Variants in TAF8 observed in about 807,000 individuals in gnomAD.
TAF8 encodes the protein transcription initiation factor TFIID subunit 8.
In TAF8, 47 loss-of-function variants were observed where a neutral mutation model predicts 36.5. That is an observed-to-expected ratio of 1.29 (90% CI 1.02 to 1.64). TAF8 has a LOEUF of 1.64. Among genes scored for constraint, TAF8 ranks in the 40% most tolerant of loss-of-function variants. The probability of loss-of-function intolerance (pLI) is 0.00; values close to 1 mark genes in which losing one functional copy is unlikely to be tolerated. For missense variants in TAF8, 420 were observed against 407.6 expected, an observed-to-expected ratio of 1.03 and a Z score of -0.26; for synonymous variants, 175 against 159.5, an observed-to-expected ratio of 1.10 and a Z score of -0.73.
At chr6:42,058,685 ATCTC>A (rs891835759) in intron 5 of TAF8, among the ~76,000 whole-genome samples, 1 of 152,126 alleles carries the variant, frequency 6.6e-6, no homozygotes. Context: ...CCTTGGTCAG[ATCTC>A]TCTATTAGTT....
intron 4 of TAF8, among the ~76,000 whole-genome samples, chr6:42,056,596 A>AT (rs1764995055): frequency 6.6e-6 from 1 of 151,838 alleles, no homozygotes; most frequent in Admixed American, 6.6e-5. Context: ...AGTTAACTGG[A>AT]TTTTTTTCTT....
downstream of TAF8, chr6:42,086,618 A>AC: frequency 1.7e-6 from 2 of 1,146,876 alleles, no homozygotes; most frequent in Non-Finnish European, 2.6e-6. Flanking sequence ...GATCTGCGGC[A>AC]CCCCCTCTCC....
chr6:42,077,894 C>T lies in TAF8; in HGVS notation c.*349C>T, dbSNP rs1364905999. Reference sequence around the variant, plus strand: ...GCCTTGGCCTCCCGAGTAGCTGGGACTAGAGGCAAGCGCCACCATGCTGGC... The same window carrying T: ...GCCTTGGCCTCCCGAGTAGCTGGGATTAGAGGCAAGCGCCACCATGCTGGC... On this transcript the variant is annotated 3_prime_UTR_variant, in exon 9 of 9. Coordinates refer to ENST00000372977, the MANE Select transcript of TAF8 (RefSeq NM_138572.3). The T allele has an allele frequency of 4.8e-6, 2 of 417,372 alleles. No individual in the cohort carries two copies. Among genetic ancestry groups the T allele is most frequent in the Non-Finnish European group, 7.2e-6 (2 of 277,172 alleles). 25.9% of individuals were successfully genotyped at this position (417,372 alleles called of 1,614,324 possible). A position where few individuals can be genotyped will look rare whatever the true frequency, so the allele number is the denominator to read the frequency against.
intron 2 of TAF8, among the ~76,000 whole-genome samples, chr6:42,052,967 G>A (rs1360335579): frequency 1.3e-5 from 2 of 152,206 alleles, no homozygotes; most frequent in Non-Finnish European, 2.9e-5. Context: ...CAGGAAGGGT[G>A]ATCTTGGGCA....
rs914156049 is a variant in TAF8, at chr6:42,071,493, T to C, written c.780+2886T>C. On this transcript the variant is annotated intron_variant, in intron 7 of 8. Transcript: ENST00000372977. ...GGTACGCACCACCACGCCCGGCTAA[T>C]TTTTGTATTTTTAGTAGAGACGGGG... 13 of 162,898 alleles carry C rather than the reference T, an allele frequency of 8.0e-5. No homozygotes were observed. The South Asian group carries it at 1.3e-3, about 16-fold the overall frequency. 10.1% of individuals were successfully genotyped at this position (162,898 alleles called of 1,614,324 possible). A position where few individuals can be genotyped will look rare whatever the true frequency, so the allele number is the denominator to read the frequency against.
chr6:42,077,593 C>G lies in TAF8; in HGVS notation c.*48C>G. On this transcript the variant is annotated 3_prime_UTR_variant, in exon 9 of 9. Transcript: ENST00000372977. ...TACAGGGGCGCAGATTCCACCCTCC[C>G]GGGGAGTTAAAGCCACTCAAGGGAA... 6.2e-7 allele frequency: 1 copy of G among 1,607,238 alleles called. No individual in the cohort carries two copies. Among genetic ancestry groups the G allele is most frequent in the Non-Finnish European group, 8.5e-7 (1 of 1,176,846 alleles).
rs376247425 is a variant in TAF8 at position 42,055,601 on chromosome 6, C to T, written c.273C>T (p.Ser91=). 2.7e-5 allele frequency: 43 copies of T among 1,614,026 alleles called. No homozygotes were observed. Among genetic ancestry groups the T allele is most frequent in the African/African-American group, 9.3e-5 (7 of 74,914 alleles). The stretch of plus-strand genomic sequence containing the variant: ...CAGCCAGGACCCAGCCCACACTGTC[C>T]GATATCGTGGTCACACTTGTTGAGA... The part of the protein sequence containing the change: ...EHTARTQPTL[S]DIVVTLVEMG... The change falls in exon 3 of 9, where the codon TCC becomes TCT. Residue 91 remains serine, a synonymous_variant. Coordinates refer to ENST00000372977, the MANE Select transcript of TAF8 (RefSeq NM_138572.3).
chr6:42,050,694 C>A, intron 1 of TAF8, 108 bp downstream of exon 1: 1 of 1,328,310 alleles, frequency 7.5e-7, no homozygotes, highest in Non-Finnish European at 1.0e-6. Flanking sequence ...CCATCATGAG[C>A]TCCGACTGGC....
chr6:42,065,363 A>G (rs1765326175), intron 5 of TAF8, among the ~76,000 whole-genome samples: 1 of 152,152 alleles, frequency 6.6e-6, no homozygotes, highest in Non-Finnish European at 1.5e-5. Flanking sequence ...TAAAAATAAT[A>G]AAATAAAAAG....
chr6:42,080,440 T>A lies in TAF8; in HGVS notation c.*2895T>A. ...CAGGCTGGAGTGCAATGGCGTGATC[T>A]CGGCTCACTGCAACCTCCACCTCCT... On this transcript the variant is annotated 3_prime_UTR_variant, in exon 9 of 9. Transcript: ENST00000372977. 1.2e-6 allele frequency: 1 copy of A among 825,032 alleles called. No individual in the cohort carries two copies. The highest frequency in any genetic ancestry group is 1.5e-6 in the Non-Finnish European group (1 of 684,108). 51.1% of individuals were successfully genotyped at this position (825,032 alleles called of 1,614,324 possible). A position where few individuals can be genotyped will look rare whatever the true frequency, so the allele number is the denominator to read the frequency against.
At chr6:42,087,025 CAG>C (rs1462685785), downstream of TAF8, 2 of 541,798 alleles carry the variant, frequency 3.7e-6, no homozygotes, top group Non-Finnish European at 6.6e-6. Flanking sequence ...TCCCTCCTCT[CAG>C]AGCCCTCCCT....
At position 42,056,111 on chromosome 6, in the gene TAF8, C is replaced by T; in HGVS notation, c.364+97C>T. The T allele has an allele frequency of 3.7e-6, 3 of 804,486 alleles. No individual in the cohort carries two copies. In the South Asian group the frequency reaches 4.2e-5, roughly 11 times the overall value. The allele number at this position is 804,486 out of a possible 1,614,324, so 49.8% of individuals were successfully genotyped here. A position where few individuals can be genotyped will look rare whatever the true frequency, so the allele number is the denominator to read the frequency against. On this transcript the variant is annotated intron_variant, in intron 4 of 8. Transcript: ENST00000372977. ...GTAGGGATTGGATTAGTAGCTACTT[C>T]CTTGTTGTGGGCTCTCTTCCAATGT...
chr6:42,057,842 C>G, intron 5 of TAF8: 1 of 342,124 alleles, frequency 2.9e-6, no homozygotes, highest in Non-Finnish European at 5.2e-6. Context: ...GAATTATGTT[C>G]TCAAGTTTGC....
intron 5 of TAF8, among the ~76,000 whole-genome samples, chr6:42,063,974 G>C (rs1765269960): frequency 6.6e-6 from 1 of 152,200 alleles, no homozygotes; most frequent in Non-Finnish European, 1.5e-5. Flanking sequence ...CAGAATCTAA[G>C]ATTAGTTTAT....
chr6:42,078,444 T>C lies in TAF8; in HGVS notation c.*899T>C. On this transcript the variant is annotated 3_prime_UTR_variant, in exon 9 of 9. Transcript: ENST00000372977. The stretch of plus-strand genomic sequence containing the variant: ...CATCCCAGAACTTCATTCTTATTTC[T>C]CTCCTCATCTGGCCTCCCAAGTGCT... 1 of 985,444 alleles carries C rather than the reference T, an allele frequency of 1.0e-6. No homozygotes were observed. Among genetic ancestry groups the C allele is most frequent in the South Asian group, 4.7e-5 (1 of 21,284 alleles). The allele number at this position is 985,444 out of a possible 1,614,324, so 61.0% of individuals were successfully genotyped here. A position where few individuals can be genotyped will look rare whatever the true frequency, so the allele number is the denominator to read the frequency against.
At chr6:42,068,402 G>A in intron 6 of TAF8, 63 bp from the exon 7 acceptor site, 1 of 1,597,018 alleles carries the variant, frequency 6.3e-7, no homozygotes. Context: ...GAGGCTCTAG[G>A]ACTCTAAGCC....
Position 42,050,560 on chromosome 6 carries a change from A to G in TAF8, c.19A>G (p.Thr7Ala), listed in dbSNP as rs768929303. ...GAACAAGATGGCCGACGCGGCGGCCACAGCTGGGGCCGGTGGCTCCGGAAC... is the reference window on the plus strand; with the variant it reads ...GAACAAGATGGCCGACGCGGCGGCCGCAGCTGGGGCCGGTGGCTCCGGAAC... MADAAA[T>A]AGAGGSGTRS... Residue 7 changes from threonine to alanine, a missense_variant, in exon 1 of 9, where the codon ACA becomes GCA. Transcript: ENST00000372977. The G allele has an allele frequency of 2.3e-5, 33 of 1,425,946 alleles. No homozygotes were observed. The highest frequency in any genetic ancestry group is 1.9e-4 in the South Asian group (16 of 82,536). The allele number at this position is 1,425,946 out of a possible 1,614,324, so 88.3% of individuals were successfully genotyped here. A position where few individuals can be genotyped will look rare whatever the true frequency, so the allele number is the denominator to read the frequency against.
intron 2 of TAF8, among the ~76,000 whole-genome samples, chr6:42,052,899 C>A (rs556332938): frequency 6.6e-6 from 1 of 152,250 alleles, no homozygotes; most frequent in Admixed American, 6.5e-5. Context: ...GCCCATCAAG[C>A]TGAAAAGGCC....
intron 5 of TAF8, 25 bp downstream of exon 5, chr6:42,057,538 C>A (rs773284924): frequency 6.2e-7 from 1 of 1,613,324 alleles, no homozygotes; most frequent in Non-Finnish European, 8.5e-7. Context: ...ACTGGGACTG[C>A]GCGTGGTGTA....
Sources: allele counts gnomAD v4.1 joint callset (sites outside exome capture counted in the v4.1 genomes callset), GRCh38; gene constraint gnomAD v4.1.1; transcripts MANE v1.5; gene names NCBI Gene and HGNC (gene_info 2026-07-23, HGNC 2026-07-21).